HNRNPUL1: variants seen among roughly 807,000 people sequenced by gnomAD.
HNRNPUL1 encodes the protein heterogeneous nuclear ribonucleoprotein U-like protein 1.
A neutral mutation model predicts 108.5 loss-of-function variants in HNRNPUL1; 14 were observed. That is an observed-to-expected ratio of 0.13 (90% CI 0.09 to 0.20). The LOEUF is 0.20. Among genes scored for constraint, HNRNPUL1 ranks in the 10% least tolerant of loss-of-function variants. The pLI, the probability that HNRNPUL1 is intolerant of heterozygous loss-of-function variation, is 1.00. For missense variants in HNRNPUL1, 804 were observed against 1,168.3 expected, an observed-to-expected ratio of 0.69 and a Z score of 4.55; for synonymous variants, 422 against 445.2, an observed-to-expected ratio of 0.95 and a Z score of 0.66.
Position 41,305,763 on chromosome 19 carries a change from T to C in HNRNPUL1, c.2350T>C (p.Tyr784His), listed in dbSNP as rs996579004. Reference protein sequence around the residue: ...PPPPPPPPPAYNYGSYGGYNP... With the variant: ...PPPPPPPPPAHNYGSYGGYNP... Reference sequence around the variant, plus strand: ...GCCTCCACCTCCACCACCACCTGCCTACAACTATGGGAGCTACGGCGGTTA... The same window carrying C: ...GCCTCCACCTCCACCACCACCTGCCCACAACTATGGGAGCTACGGCGGTTA... Residue 784 changes from tyrosine (Y) to histidine (H), a missense_variant, in exon 14 of 15, where the codon TAC becomes CAC. Around this residue, in one of 4 missense-constraint regions of HNRNPUL1, gnomAD observed 294 missense variants for 388.3 expected, o/e 0.76. Coordinates refer to ENST00000392006, the MANE Select transcript of HNRNPUL1 (RefSeq NM_007040.6). The C allele has an allele frequency of 2.5e-6, 4 of 1,613,744 alleles. No individual in the cohort carries two copies. Among genetic ancestry groups the C allele is most frequent in the Non-Finnish European group, 3.4e-6 (4 of 1,179,794 alleles).
intron 10 of HNRNPUL1, among the ~76,000 whole-genome samples, chr19:41,300,321 A>ATT (rs71177711): frequency 0.072 from 10,415 of 145,330 alleles, 756 homozygotes; most frequent in African/African-American, 0.18. Context: ...TTCAGAATAC[A>ATT]TTTTTTTTTT....
upstream of HNRNPUL1, chr19:41,264,239 G>A (rs1244936064): frequency 5.5e-6 from 2 of 361,014 alleles, no homozygotes; most frequent in African/African-American, 4.2e-5. Context: ...CCTTCTCGTG[G>A]CCGTTGTTTT....
In HNRNPUL1 at chr19:41,289,254, G is replaced by C. The variant is rs2036438761; in HGVS notation, c.1000-2991G>C. On this transcript the variant is annotated intron_variant, in intron 7 of 14. Coordinates refer to ENST00000392006, the MANE Select transcript of HNRNPUL1 (RefSeq NM_007040.6). Reference sequence around the variant, plus strand: ...GATACCACAACTTTAAAAAGGCTCAGGGTGAGGAGTTGGTGGGGGTGTAAA... The same window carrying C: ...GATACCACAACTTTAAAAAGGCTCACGGTGAGGAGTTGGTGGGGGTGTAAA... 2.6e-5 allele frequency among the ~76,000 whole-genome samples: 4 copies of C among 152,344 alleles called. No individual in the cohort carries two copies. In the South Asian group the frequency reaches 6.2e-4, roughly 24 times the overall value.
chr19:41,303,680 C>T (rs1410453900), intron 12 of HNRNPUL1, among the ~76,000 whole-genome samples: 1 of 152,126 alleles, frequency 6.6e-6, no homozygotes, highest in East Asian at 1.9e-4. Context: ...GCATCTCCTT[C>T]CTGCATATTC....
intron 7 of HNRNPUL1, among the ~76,000 whole-genome samples, chr19:41,282,634 T>C (rs1041558750): frequency 1.3e-5 from 2 of 152,222 alleles, no homozygotes; most frequent in Non-Finnish European, 2.9e-5. Flanking sequence ...GAGTTAACTC[T>C]TCAACAATGT....
rs1216247959 is a variant in HNRNPUL1 at position 41,307,228 on chromosome 19, A to C, written c.*663A>C. The C allele has an allele frequency of 6.6e-6, 1 of 152,620 alleles. No individual in the cohort carries two copies. The highest frequency in any genetic ancestry group is 2.4e-5 in the African/African-American group (1 of 41,432). 9.5% of individuals were successfully genotyped at this position (152,620 alleles called of 1,614,324 possible). ...GAGGAAGAGCCACAAAACAAAACAC[A>C]ACAAAACCAAACCACAGAATCATCT... On this transcript the variant is annotated 3_prime_UTR_variant, in exon 15 of 15. Coordinates refer to ENST00000392006, the MANE Select transcript of HNRNPUL1 (RefSeq NM_007040.6).
At chr19:41,284,599 G>T (rs2036099066) in intron 7 of HNRNPUL1, among the ~76,000 whole-genome samples, 1 of 152,152 alleles carries the variant, frequency 6.6e-6, no homozygotes, top group Non-Finnish European at 1.5e-5. Flanking sequence ...GCTGCAGTGG[G>T]TTATGATTGG....
chr19:41,290,777 C>T (rs2036532842), intron 7 of HNRNPUL1, among the ~76,000 whole-genome samples: 1 of 152,186 alleles, frequency 6.6e-6, no homozygotes, highest in Non-Finnish European at 1.5e-5. Context: ...GGATCATAGG[C>T]TAGGCGTAGT....
At chr19:41,263,868 T>C (rs963718567), upstream of HNRNPUL1, among the ~76,000 whole-genome samples, 10 of 152,166 alleles carry the variant, frequency 6.6e-5, no homozygotes, top group African/African-American at 2.4e-4. Flanking sequence ...ATTCATCTCT[T>C]TCCGGTTTCT....
Position 41,302,807 on chromosome 19 carries a change from C to A in HNRNPUL1, c.1830C>A (p.Asp610Glu). 2 of 1,608,034 alleles carry A rather than the reference C, an allele frequency of 1.2e-6. No individual in the cohort carries two copies. The highest frequency in any genetic ancestry group is 1.7e-6 in the Non-Finnish European group (2 of 1,175,532). ...GGCCACCCCCTGAAAAGCGCTTTGACAACCGAGGTGGTGGTGGCTTCCGGG... is the reference window on the plus strand; with the variant it reads ...GGCCACCCCCTGAAAAGCGCTTTGAAAACCGAGGTGGTGGTGGCTTCCGGG... ...KAGPPPEKRF[D>E]NRGGGGFRGR... Residue 610 changes from aspartate to glutamate, a missense_variant, in exon 12 of 15, where the codon GAC (aspartate) becomes GAA (glutamate). Asp to Glu is a conservative substitution (Grantham distance 45). Transcript: ENST00000392006.
chr19:41,263,235 G>A (rs961087492), upstream of HNRNPUL1, among the ~76,000 whole-genome samples: 4 of 152,092 alleles, frequency 2.6e-5, no homozygotes, highest in Admixed American at 2.6e-4. Flanking sequence ...TCTTACTCGA[G>A]TTTTGTTTTG....
chr19:41,265,047 G>A (rs2034731612), intron 1 of HNRNPUL1: 3 of 1,397,564 alleles, frequency 2.1e-6, no homozygotes, highest in African/African-American at 3.0e-5. Context: ...GGGGGTGGCG[G>A]GGAGGATTCC....
chr19:41,272,301 C>A, intron 3 of HNRNPUL1, 66 bp downstream of exon 3: 2 of 1,529,174 alleles, frequency 1.3e-6, no homozygotes, highest in Non-Finnish European at 1.8e-6. Context: ...CTCGTGCTTG[C>A]TGGGGACATT....
At chr19:41,271,630 C>A (rs552247289) in intron 2 of HNRNPUL1, among the ~76,000 whole-genome samples, 1 of 152,274 alleles carries the variant, frequency 6.6e-6, no homozygotes, top group Non-Finnish European at 1.5e-5. Flanking sequence ...GTCCACAGCA[C>A]GGTATCCCAT....
rs762268558 is a variant in HNRNPUL1 at position 41,276,279 on chromosome 19, G to A, written c.767G>A (p.Arg256His). 3 of 1,607,560 alleles carry A rather than the reference G, an allele frequency of 1.9e-6. No individual in the cohort carries two copies. Among genetic ancestry groups the A allele is most frequent in the Non-Finnish European group, 1.7e-6 (2 of 1,175,140 alleles). Residue 256 changes from arginine (R) to histidine (H), a missense_variant, in exon 5 of 15, where the codon CGT (arginine) becomes CAT (histidine). Arg to His is a conservative substitution (Grantham distance 29, BLOSUM62 0). Transcript: ENST00000392006. ...ARASYGVRRG[R>H]VCFEMKINEE... ...GCCAGCTATGGGGTCAGAAGGGGCC[G>A]TGTATGCTTCGAGATGAAGGTGAGT...
At chr19:41,268,788 G>C (rs1157464183) in intron 2 of HNRNPUL1, among the ~76,000 whole-genome samples, 1 of 152,142 alleles carries the variant, frequency 6.6e-6, no homozygotes, top group East Asian at 1.9e-4. Context: ...AACCCAGGAG[G>C]CGGAGGTTGC....
chr19:41,283,546 C>T (rs953844822), intron 7 of HNRNPUL1, among the ~76,000 whole-genome samples: 10 of 152,188 alleles, frequency 6.6e-5, no homozygotes, highest in Non-Finnish European at 1.3e-4. Flanking sequence ...ACCTCCGCTT[C>T]CTGGGTTCAA....
At position 41,264,561 on chromosome 19, in the gene HNRNPUL1, C is replaced by G. The variant is rs369468843; in HGVS notation, c.58C>G (p.Leu20Val). ...TCGCGAGGAGCTGCAGCGCCGCGGC[C>G]TGGACACTCGAGGCCTCAAGGCCGA... ...ELREELQRRGLDTRGLKAELA... is the reference protein window; with the variant it reads ...ELREELQRRGVDTRGLKAELA... The change falls in exon 1 of 15, where the codon CTG (leucine) becomes GTG (valine). Residue 20 changes from leucine to valine, a missense_variant. Transcript: ENST00000392006. 2 of 1,540,330 alleles carry G rather than the reference C, an allele frequency of 1.3e-6. No individual in the cohort carries two copies. The highest frequency in any genetic ancestry group is 1.7e-6 in the Non-Finnish European group (2 of 1,148,648).
Position 41,302,885 on chromosome 19 carries a change from A to C in HNRNPUL1, c.1908A>C (p.Gly636=). The part of the protein sequence containing the change: ...FQRYENRGPP[G]GNRGGFQNRG... ...GCTATGAAAACCGAGGACCCCCTGGAGGCAACCGTGGCGGCTTCCAGAACC... is the reference window on the plus strand; with the variant it reads ...GCTATGAAAACCGAGGACCCCCTGGCGGCAACCGTGGCGGCTTCCAGAACC... The change falls in exon 12 of 15, where the codon GGA becomes GGC. Residue 636 remains glycine, a synonymous_variant. Transcript: ENST00000392006. 1 of 1,547,958 alleles carries C rather than the reference A, an allele frequency of 6.5e-7. No individual in the cohort carries two copies. The highest frequency in any genetic ancestry group is 8.7e-7 in the Non-Finnish European group (1 of 1,147,730).
Sources: allele counts gnomAD v4.1 joint callset (sites outside exome capture counted in the v4.1 genomes callset), GRCh38; gene constraint gnomAD v4.1.1; regional missense constraint gnomAD v4.1.1; transcripts MANE v1.5; gene names NCBI Gene and HGNC (gene_info 2026-07-23, HGNC 2026-07-21).